Variants in ADAMTSL1 observed in about 807,000 individuals in gnomAD.
The protein encoded by ADAMTSL1 is ADAMTS-like protein 1.
A neutral mutation model predicts 201.8 loss-of-function variants in ADAMTSL1; 126 were observed. The ratio of observed to expected loss-of-function variants is 0.62; its 90% CI spans 0.54 to 0.72. The LOEUF is 0.72. ADAMTSL1 is among the 30% of genes least tolerant of loss of function. The probability of loss-of-function intolerance (pLI) is 0.00; values close to 1 mark genes in which losing one functional copy is unlikely to be tolerated. For synonymous variants in ADAMTSL1, 1,121 were observed against 903.4 expected, an observed-to-expected ratio of 1.24 and a Z score of -4.32; for missense variants, 2,679 against 2,277.8, an observed-to-expected ratio of 1.18 and a Z score of -3.59.
chr9:18,200,829 A>C (rs1829413254), intron 2 of ADAMTSL1, among the ~76,000 whole-genome samples: 3 of 152,026 alleles, frequency 2.0e-5, no homozygotes, highest in African/African-American at 7.2e-5. Flanking sequence ...AACAGAATAC[A>C]AGGATAAACA....
At chr9:17,966,968 G>A (rs374587820) in intron 1 of ADAMTSL1, among the ~76,000 whole-genome samples, 3 of 151,938 alleles carry the variant, frequency 2.0e-5, no homozygotes, top group Middle Eastern at 3.2e-3. Context: ...ATTAACTCAC[G>A]GATTTAAAGG....
intron 7 of ADAMTSL1, among the ~76,000 whole-genome samples, chr9:18,645,586 C>G (rs62549389): frequency 2.0e-5 from 3 of 151,516 alleles, no homozygotes; most frequent in Admixed American, 6.6e-5. Flanking sequence ...GGAAGGGATC[C>G]AGTTTCAGCT....
intron 23 of ADAMTSL1, among the ~76,000 whole-genome samples, chr9:18,866,834 C>A (rs1193882743): frequency 6.6e-6 from 1 of 152,212 alleles, no homozygotes; most frequent in African/African-American, 2.4e-5. Context: ...ACCATATCCT[C>A]TAGAGACCAA....
intron 1 of ADAMTSL1, among the ~76,000 whole-genome samples, chr9:18,114,280 A>T (rs1587081859): frequency 6.6e-6 from 1 of 152,206 alleles, no homozygotes; most frequent in South Asian, 2.1e-4. Context: ...TCCCAGGATC[A>T]GGAGAAACAG....
chr9:18,365,780 TG>T (rs1836740840), intron 2 of ADAMTSL1, among the ~76,000 whole-genome samples: 1 of 152,112 alleles, frequency 6.6e-6, no homozygotes, highest in Admixed American at 6.5e-5. Flanking sequence ...TGTTAGGAAC[TG>T]GGCCACAAAA....
At chr9:17,977,519 T>C (rs1212934977) in intron 1 of ADAMTSL1, among the ~76,000 whole-genome samples, 1 of 152,134 alleles carries the variant, frequency 6.6e-6, no homozygotes, top group Admixed American at 6.6e-5. Flanking sequence ...TATTTAGTCT[T>C]GGTTGGTTCT....
intron 1 of ADAMTSL1, among the ~76,000 whole-genome samples, chr9:17,946,728 T>C (rs1827503664): frequency 6.6e-6 from 1 of 152,154 alleles, no homozygotes; most frequent in South Asian, 2.1e-4. Context: ...CTCTCACCAT[T>C]GAATTATTTC....
intron 2 of ADAMTSL1, among the ~76,000 whole-genome samples, chr9:18,355,060 C>T (rs549757249): frequency 4.3e-4 from 66 of 152,260 alleles, no homozygotes; most frequent in Non-Finnish European, 5.1e-4. Flanking sequence ...ATGCTGAGTT[C>T]CAGGGAGCCC....
rs11407945 is a variant in ADAMTSL1 at position 18,391,824 on chromosome 9, C to CTTT, written c.208-112989_208-112987dup. The stretch of plus-strand genomic sequence containing the variant: ...ACTACTTTTTTTCTTTCTTTTCTTT[C>CTTT]TTTTTTTTTTTTTTTTTTGAGATGG... On this transcript the variant is annotated intron_variant, in intron 2 of 29. Coordinates refer to the ADAMTSL1 transcript ENST00000680146. Among the ~76,000 whole-genome samples the CTTT allele has an allele frequency of 3.2e-3, 372 of 116,702 alleles. 4 individuals are homozygous for CTTT. The highest frequency in any genetic ancestry group is 9.0e-3 in the African/African-American group (279 of 31,004). The allele number at this position is 116,702 out of a possible 152,430, so 76.6% of individuals were successfully genotyped here. A position where few individuals can be genotyped will look rare whatever the true frequency, so the allele number is the denominator to read the frequency against.
chr9:18,485,100 A>G (rs753313719), intron 1 of ADAMTSL1, among the ~76,000 whole-genome samples: 1 of 152,130 alleles, frequency 6.6e-6, no homozygotes, highest in Non-Finnish European at 1.5e-5. Context: ...AGCCATGACA[A>G]TTTTCCATCT....
chr9:18,247,231 C>A (rs541195675), intron 2 of ADAMTSL1, among the ~76,000 whole-genome samples: 1 of 152,022 alleles, frequency 6.6e-6, no homozygotes, highest in African/African-American at 2.4e-5. Context: ...ACAGTAATAG[C>A]AAATATAGCA....
At chr9:18,265,210 A>G (rs1330559460) in intron 2 of ADAMTSL1, among the ~76,000 whole-genome samples, 1 of 152,158 alleles carries the variant, frequency 6.6e-6, no homozygotes, top group Non-Finnish European at 1.5e-5. Flanking sequence ...TAAATATGCC[A>G]GGCCTGTTGT....
chr9:18,391,982 G>T (rs1838069586), intron 2 of ADAMTSL1, among the ~76,000 whole-genome samples: 1 of 151,742 alleles, frequency 6.6e-6, no homozygotes, highest in African/African-American at 2.4e-5. Context: ...CCGCCACCAT[G>T]CCCAGCGAAT....
At chr9:17,908,556 A>T (rs1254536914) in intron 1 of ADAMTSL1, among the ~76,000 whole-genome samples, 1 of 152,084 alleles carries the variant, frequency 6.6e-6, no homozygotes, top group Admixed American at 6.5e-5. Context: ...TCCTGGGTTC[A>T]AGCGATTCTC....
At chr9:18,635,229 G>C (rs1827039495) in intron 5 of ADAMTSL1, among the ~76,000 whole-genome samples, 1 of 152,010 alleles carries the variant, frequency 6.6e-6, no homozygotes, top group Non-Finnish European at 1.5e-5. Context: ...GATGGTATTT[G>C]AGATGCATGT....
intron 16 of ADAMTSL1, 106 bp from the exon 17 acceptor site, chr9:18,770,496 A>AT (rs951315268): frequency 9.7e-4 from 1,139 of 1,169,302 alleles, no homozygotes; most frequent in African/African-American, 4.6e-3. Context: ...CTTCTTCTGG[A>AT]TTTTTTTTTC....
At chr9:18,603,957 A>C (rs1824838318) in intron 4 of ADAMTSL1, among the ~76,000 whole-genome samples, 2 of 152,234 alleles carry the variant, frequency 1.3e-5, no homozygotes, top group African/African-American at 2.4e-5. Context: ...TTCTGCAGAA[A>C]GGGTGCTCAG....
chr9:18,233,971 A>G (rs1177088810), intron 2 of ADAMTSL1, among the ~76,000 whole-genome samples: 1 of 152,218 alleles, frequency 6.6e-6, no homozygotes, highest in African/African-American at 2.4e-5. Flanking sequence ...GAAAACCTGC[A>G]TTCTGGCCAA....
At chr9:18,305,245 C>T (rs1833865233) in intron 2 of ADAMTSL1, among the ~76,000 whole-genome samples, 2 of 152,212 alleles carry the variant, frequency 1.3e-5, no homozygotes, top group Non-Finnish European at 2.9e-5. Flanking sequence ...CCTACGCCAC[C>T]AGGGTCCTGG....
Sources: allele counts gnomAD v4.1 joint callset (sites outside exome capture counted in the v4.1 genomes callset), GRCh38; gene constraint gnomAD v4.1.1; transcripts MANE v1.5; gene names NCBI Gene and HGNC (gene_info 2026-07-23, HGNC 2026-07-21).